SPATS2: variants seen among roughly 807,000 people sequenced by gnomAD.
The protein encoded by SPATS2 is spermatogenesis-associated serine-rich protein 2.
Under a neutral mutation model 63.7 loss-of-function variants are expected in SPATS2, and 38 were observed. The observed-to-expected ratio is 0.60, with a 90% confidence interval of 0.46 to 0.78. The LOEUF is 0.78. Ranked by LOEUF, SPATS2 falls within the 30% of genes least tolerant of loss-of-function variation. The pLI, the probability that SPATS2 is intolerant of heterozygous loss-of-function variation, is 0.00. For missense variants in SPATS2, 588 were observed against 666.2 expected (o/e 0.88, Z 1.29); for synonymous variants, 207 against 232.9 (o/e 0.89, Z 1.01).
At chr12:49,392,034 T>G (rs1944426816) in intron 2 of SPATS2, among the ~76,000 whole-genome samples, 1 of 152,206 alleles carries the variant, frequency 6.6e-6, no homozygotes, top group Admixed American at 6.5e-5. Context: ...ATTCAGATAC[T>G]TTTTATCCCT....
At chr12:49,509,633 A>G (rs1946714871) in intron 9 of SPATS2, among the ~76,000 whole-genome samples, 1 of 151,936 alleles carries the variant, frequency 6.6e-6, no homozygotes, top group East Asian at 1.9e-4. Context: ...CCTTGGCAAC[A>G]TGGTGAAACC....
At chr12:49,396,985 T>C (rs1944523299) in intron 2 of SPATS2, among the ~76,000 whole-genome samples, 1 of 152,206 alleles carries the variant, frequency 6.6e-6, no homozygotes, top group Non-Finnish European at 1.5e-5. Flanking sequence ...TATTTACATT[T>C]TAGTGCCTGT....
chr12:49,416,699 G>A (rs1944895788), intron 2 of SPATS2, among the ~76,000 whole-genome samples: 1 of 151,986 alleles, frequency 6.6e-6, no homozygotes, highest in African/African-American at 2.4e-5. Flanking sequence ...TGGCCAGGCT[G>A]GTCACGAACC....
intron 3 of SPATS2, among the ~76,000 whole-genome samples, chr12:49,470,794 C>T (rs1225895844): frequency 1.3e-5 from 2 of 152,168 alleles, no homozygotes; most frequent in Non-Finnish European, 2.9e-5. Flanking sequence ...ATATCATTAG[C>T]CTGTTAGCCT....
intron 2 of SPATS2, among the ~76,000 whole-genome samples, chr12:49,459,752 C>G (rs1359059317): frequency 7.8e-6 from 1 of 128,404 alleles, no homozygotes; most frequent in Non-Finnish European, 1.7e-5. Flanking sequence ...CCCCCCCCCC[C>G]CCATATTTTT....
chr12:49,499,391 GTTGTTTTGT>G (rs897144680), intron 8 of SPATS2, among the ~76,000 whole-genome samples: 10 of 146,444 alleles, frequency 6.8e-5, no homozygotes, highest in Non-Finnish European at 1.2e-4. Context: ...GTTCTGCCTG[GTTGTTTTGT>G]TTTGTTTTGT....
rs561220387 is a variant in SPATS2 at position 49,438,113 on chromosome 12, G to A, written c.-243-22657G>A. Among the ~76,000 whole-genome samples the A allele has an allele frequency of 2.0e-5, 3 of 151,890 alleles. No individual in the cohort carries two copies. In the South Asian group the frequency reaches 6.3e-4, roughly 32 times the overall value. ...GACAGTTCCCTGATGTCTTTTCTCA[G>A]AGGAACACTGTCCCTCCAGAGGTAA... is the stretch of plus-strand genomic sequence containing the variant. On this transcript the variant is annotated intron_variant, in intron 2 of 13. Coordinates refer to ENST00000552918, the MANE Select transcript of SPATS2 (RefSeq NM_023071.4).
chr12:49,406,233 T>G (rs2137326957), intron 2 of SPATS2, among the ~76,000 whole-genome samples: 1 of 152,218 alleles, frequency 6.6e-6, no homozygotes, highest in African/African-American at 2.4e-5. Flanking sequence ...ATAATACCTA[T>G]AGTAAATAAT....
intron 2 of SPATS2, among the ~76,000 whole-genome samples, chr12:49,423,128 T>C (rs59250459): frequency 0.19 from 28,486 of 151,686 alleles, 3,686 homozygotes; most frequent in African/African-American, 0.37. Context: ...AGCACTCTGG[T>C]TAATACTGTT....
At position 49,526,859 on chromosome 12, in the gene SPATS2, A is replaced by G. The variant is rs1947044663; in HGVS notation, c.*604A>G. ...ACCTGCAGTTTCTTCAAAATGCCCA[A>G]TGCCTTGTTTCCTATTACCTTAGAT... On this transcript the variant is annotated 3_prime_UTR_variant, in exon 14 of 14. Transcript: ENST00000552918. 1 of 151,928 alleles carries G rather than the reference A, an allele frequency of 6.6e-6. No individual in the cohort carries two copies. Among genetic ancestry groups the G allele is most frequent in the Admixed American group, 6.6e-5 (1 of 15,180 alleles). The allele number at this position is 151,928 out of a possible 1,614,324, so 9.4% of individuals were successfully genotyped here.
intron 9 of SPATS2, among the ~76,000 whole-genome samples, chr12:49,501,758 GAC>G (rs1348344140): frequency 1.1e-4 from 17 of 151,566 alleles, no homozygotes; most frequent in African/African-American, 2.9e-4. Context: ...TGGGACTACA[GAC>G]ATGTGCCACC....
At chr12:49,395,683 C>T (rs1944496941) in intron 2 of SPATS2, among the ~76,000 whole-genome samples, 1 of 151,284 alleles carries the variant, frequency 6.6e-6, no homozygotes, top group African/African-American at 2.4e-5. Context: ...GCCTCAGCCT[C>T]CCAAAGTGCT....
In SPATS2 at chr12:49,524,718, G is replaced by A. The variant is rs143789908; in HGVS notation, c.1148G>A (p.Arg383Gln). The A allele has an allele frequency of 4.8e-3, 7,820 of 1,614,124 alleles. 21 individuals are homozygous for A. Among genetic ancestry groups the A allele is most frequent in the Non-Finnish European group, 5.2e-3 (6,163 of 1,180,028 alleles). ...AAGAACAGCTATTCGACCAGATCCCGATGTAGCTCAGTTACATCTGTGTCC... is the reference window on the plus strand; with the variant it reads ...AAGAACAGCTATTCGACCAGATCCCAATGTAGCTCAGTTACATCTGTGTCC... ...HPKNSYSTRS[R>Q]CSSVTSVSLS... The change falls in exon 13 of 14, where the codon CGA (arginine) becomes CAA (glutamine). Residue 383 changes from arginine (R) to glutamine (Q), a missense_variant. Transcript: ENST00000552918.
intron 2 of SPATS2, among the ~76,000 whole-genome samples, chr12:49,412,343 C>T (rs558836037): frequency 1.1e-4 from 17 of 151,846 alleles, no homozygotes; most frequent in East Asian, 7.8e-4. Flanking sequence ...TATAGGTATG[C>T]GCCACCATGC....
chr12:49,462,606 A>G (rs1281541220), intron 3 of SPATS2: 3 of 598,628 alleles, frequency 5.0e-6, no homozygotes, highest in Non-Finnish European at 8.9e-6. Context: ...GTCCAGGAAA[A>G]ATGAGGTCAC....
At chr12:49,510,490 G>C (rs917187504) in intron 9 of SPATS2, among the ~76,000 whole-genome samples, 1 of 151,282 alleles carries the variant, frequency 6.6e-6, no homozygotes, top group African/African-American at 2.4e-5. Context: ...CTTGAGCCCA[G>C]GAGGCGGAGG....
At chr12:49,470,833 A>G (rs1192854558) in intron 3 of SPATS2, among the ~76,000 whole-genome samples, 20 of 152,346 alleles carry the variant, frequency 1.3e-4, no homozygotes, top group Non-Finnish European at 2.9e-4. Context: ...CTTACCCATC[A>G]AAACTTTAAA....
At chr12:49,464,359 C>T (rs1461616136) in intron 3 of SPATS2, among the ~76,000 whole-genome samples, 1 of 151,350 alleles carries the variant, frequency 6.6e-6, no homozygotes, top group African/African-American at 2.4e-5. Context: ...GTGGCTCACG[C>T]CTGTAATCCC....
intron 9 of SPATS2, 131 bp from the exon 10 acceptor site, chr12:49,514,424 T>G (rs1946805605): frequency 1.4e-6 from 1 of 709,640 alleles, no homozygotes; most frequent in African/African-American, 1.8e-5. Flanking sequence ...TTGTATGTGA[T>G]CCATACAATA....
Sources: gnomAD v4.1 joint callset for allele counts (sites outside exome capture counted in the v4.1 genomes callset) on GRCh38, gnomAD v4.1.1 for gene constraint, MANE v1.5 for transcripts, NCBI Gene and HGNC (gene_info 2026-07-23, HGNC 2026-07-21) for gene names.